Variants in PCDHGB2 observed in about 807,000 individuals in gnomAD.
PCDHGB2 encodes the protein protocadherin gamma-B2.
A neutral mutation model predicts 59.3 loss-of-function variants in PCDHGB2; 55 were observed. The ratio of observed to expected loss-of-function variants is 0.93; its 90% CI spans 0.75 to 1.16. The LOEUF (loss-of-function observed/expected upper bound fraction) is 1.16, where lower values mean the gene tolerates loss of function less well. Ranked by LOEUF, PCDHGB2 falls within the 50% of genes most tolerant of loss-of-function variation. PCDHGB2 has a pLI of 0.00. For missense variants in PCDHGB2, 1,228 were observed against 1,198.5 expected, an observed-to-expected ratio of 1.02 and a Z score of -0.36; for synonymous variants, 516 against 512.0, an observed-to-expected ratio of 1.01 and a Z score of -0.11.
chr5:141,421,964 C>T (rs772274014), intron 1 of PCDHGB2: 3 of 1,611,472 alleles, frequency 1.9e-6, no homozygotes, highest in Non-Finnish European at 1.7e-6. Flanking sequence ...TTTACACAGT[C>T]CGTATATCGC....
chr5:141,490,249 C>T lies in PCDHGB2; in HGVS notation c.2422-4558C>T, dbSNP rs2099697737. On this transcript the variant is annotated intron_variant, in intron 1 of 3. Coordinates refer to ENST00000522605, the MANE Select transcript of PCDHGB2 (RefSeq NM_018923.3). The surrounding 1 kb of genome is among the most constrained non-coding windows in gnomAD (Gnocchi z 5.4). ...TGCCATGGAGGGCCACTGTGTGATT[C>T]AAGTGGATGTGGGGGATGTCAATGA... The T allele has an allele frequency of 1.2e-6, 2 of 1,614,218 alleles. No individual in the cohort carries two copies. The highest frequency in any genetic ancestry group is 1.7e-6 in the Non-Finnish European group (2 of 1,180,044).
rs149649459 is a variant in PCDHGB2, at chr5:141,505,183, G to A, written c.2481-210G>A. ...TCTAAAACAAAAAGAAAAAAGCATC[G>A]GAGGCAGCAAAGAGCTGGTTTGAGG... On this transcript the variant is annotated intron_variant, in intron 2 of 3. Transcript: ENST00000522605. Among the ~76,000 whole-genome samples, 214 of 152,244 alleles carry A rather than the reference G, an allele frequency of 1.4e-3. 1 individual carries two copies. Among genetic ancestry groups the A allele is most frequent in the African/African-American group, 4.8e-3 (200 of 41,530 alleles).
intron 1 of PCDHGB2, chr5:141,384,825 C>G (rs570988671): frequency 6.2e-7 from 1 of 1,613,356 alleles, no homozygotes; most frequent in Non-Finnish European, 8.5e-7. Context: ...AGCAGAGCCT[C>G]GTGGTGGCCG....
chr5:141,366,867 A>G (rs1025500937), intron 1 of PCDHGB2: 18 of 1,412,872 alleles, frequency 1.3e-5, no homozygotes, highest in African/African-American at 2.9e-5. Context: ...TATTTGCTGT[A>G]TTGGAGATTA....
Position 141,360,679 on chromosome 5 carries a change from G to T in PCDHGB2, c.544G>T (p.Glu182Ter). 1 of 1,613,988 alleles carries T rather than the reference G, an allele frequency of 6.2e-7. No individual in the cohort carries two copies. The highest frequency in any genetic ancestry group is 8.5e-7 in the Non-Finnish European group (1 of 1,179,900). ...TGACAACGAGTACTTTGATCTCGCT[G>T]AGAAACAGACTCCAGATGGTCGTAA... The part of the protein sequence containing the change: ...LNDNEYFDLA[E>*]KQTPDGRKYP... Residue 182 changes from glutamate (E) to a stop codon, truncating the protein, a stop_gained, in exon 1 of 4, where the codon GAG (glutamate) becomes TAG (stop). Coordinates refer to ENST00000522605, the MANE Select transcript of PCDHGB2 (RefSeq NM_018923.3). LOFTEE classifies it high-confidence loss of function.
At chr5:141,420,237 C>A in intron 1 of PCDHGB2, 1 of 1,595,672 alleles carries the variant, frequency 6.3e-7, no homozygotes, top group Non-Finnish European at 8.6e-7. Context: ...AGCATTTTAA[C>A]TCCCAGCGTT....
intron 1 of PCDHGB2, among the ~76,000 whole-genome samples, chr5:141,473,965 A>C (rs925515548): frequency 1.1e-4 from 16 of 152,206 alleles, no homozygotes; most frequent in African/African-American, 3.9e-4. Flanking sequence ...TCTACTTAGA[A>C]GTCTGAGGCG....
At chr5:141,388,207 C>T (rs1374751231) in intron 1 of PCDHGB2, 1 of 1,578,332 alleles carries the variant, frequency 6.3e-7, no homozygotes, top group Admixed American at 1.7e-5. Flanking sequence ...GAATTTGAGG[C>T]TGTTGCTGAA....
intron 2 of PCDHGB2, among the ~76,000 whole-genome samples, chr5:141,503,780 T>G (rs779791247): frequency 7.2e-5 from 11 of 152,124 alleles, no homozygotes; most frequent in Non-Finnish European, 1.3e-4. Flanking sequence ...GTTCTTAGGC[T>G]GAGTTCATCT....
Position 141,511,313 on chromosome 5 carries a change from C to T in PCDHGB2, c.*140C>T. ...CCAAGGCCATGCTCCCCTTGGGAAA[C>T]AGAAACAAGTGCCCAGTCAGCACCT... On this transcript the variant is annotated 3_prime_UTR_variant, in exon 4 of 4. Transcript: ENST00000522605. 2 of 1,482,944 alleles carry T rather than the reference C, an allele frequency of 1.3e-6. No homozygotes were observed. The highest frequency in any genetic ancestry group is 2.3e-5 in the Admixed American group (1 of 43,596). 91.9% of individuals were successfully genotyped at this position (1,482,944 alleles called of 1,614,324 possible).
rs200109598 is a variant in PCDHGB2 at position 141,388,741 on chromosome 5, A to C, written c.2421+26185A>C. ...ACTTTCTCTTTCAGTGAAGCTAGCC[A>C]GATCACCCAATTTGACCTGAACTCT... is the stretch of plus-strand genomic sequence containing the variant. On this transcript the variant is annotated intron_variant, in intron 1 of 3. Transcript: ENST00000522605. The C allele has an allele frequency of 1.3e-4, 203 of 1,613,906 alleles. No individual in the cohort carries two copies. The highest frequency in any genetic ancestry group is 1.7e-4 in the Non-Finnish European group (198 of 1,179,898).
chr5:141,476,837 G>A lies in PCDHGB2; in HGVS notation c.2422-17970G>A, dbSNP rs1160244271. 4 of 1,613,534 alleles carry A rather than the reference G, an allele frequency of 2.5e-6. No individual in the cohort carries two copies. The highest frequency in any genetic ancestry group is 3.4e-6 in the Non-Finnish European group (4 of 1,180,054). On this transcript the variant is annotated intron_variant, in intron 1 of 3. Coordinates refer to ENST00000522605, the MANE Select transcript of PCDHGB2 (RefSeq NM_018923.3). The surrounding 1 kb of genome is among the most constrained non-coding windows in gnomAD (Gnocchi z 7.6). Reference sequence around the variant, plus strand: ...CAAGGTGCTGGACGCGAATGACAATGCGCCTGTCTTCAACCAGTCCTTGTA... The same window carrying A: ...CAAGGTGCTGGACGCGAATGACAATACGCCTGTCTTCAACCAGTCCTTGTA...
chr5:141,483,814 C>A (rs1262593892), intron 1 of PCDHGB2, among the ~76,000 whole-genome samples: 4 of 151,994 alleles, frequency 2.6e-5, no homozygotes, highest in African/African-American at 9.7e-5. Flanking sequence ...TTTTTGGCAG[C>A]CAGTGTAACC....
intron 1 of PCDHGB2, chr5:141,420,181 T>C (rs1590216182): frequency 6.2e-7 from 1 of 1,613,998 alleles, no homozygotes; most frequent in Non-Finnish European, 8.5e-7. Context: ...TTGATCATTG[T>C]CCAGCCACAC....
chr5:141,429,534 A>G (rs1036595279), intron 1 of PCDHGB2, among the ~76,000 whole-genome samples: 1 of 152,222 alleles, frequency 6.6e-6, no homozygotes. Context: ...GCTTAAAAAA[A>G]TAAGAACATG....
chr5:141,431,093 G>A lies in PCDHGB2; in HGVS notation c.2422-63714G>A. 6.2e-7 allele frequency: 1 copy of A among 1,614,250 alleles called. No individual in the cohort carries two copies. The highest frequency in any genetic ancestry group is 8.5e-7 in the Non-Finnish European group (1 of 1,180,032). On this transcript the variant is annotated intron_variant, in intron 1 of 3. Transcript: ENST00000522605. The surrounding 1 kb of genome is among the most constrained non-coding windows in gnomAD (Gnocchi z 4.8). Reference sequence around the variant, plus strand: ...ATTAAATCTAGACATTCTGATGGAGGATAAAGTGAAAATATATGGAGTAGA... The same window carrying A: ...ATTAAATCTAGACATTCTGATGGAGAATAAAGTGAAAATATATGGAGTAGA...
chr5:141,409,715 G>C (rs2095305446), intron 1 of PCDHGB2: 9 of 1,613,084 alleles, frequency 5.6e-6, no homozygotes, highest in Admixed American at 1.7e-5. Flanking sequence ...GTCGTCATAC[G>C]TGTCAGTGAG....
At chr5:141,415,122 C>T (rs552568826) in intron 1 of PCDHGB2, 34 of 1,613,668 alleles carry the variant, frequency 2.1e-5, no homozygotes, top group Admixed American at 6.7e-5. Flanking sequence ...TCGTAGTGGC[C>T]GTCCAGGACC....
chr5:141,385,298 G>A (rs1409031209), intron 1 of PCDHGB2: 2 of 1,612,982 alleles, frequency 1.2e-6, no homozygotes, highest in Non-Finnish European at 8.5e-7. Context: ...TTTCAGGAAT[G>A]TAAAGAAAAC....
Sources: allele counts gnomAD v4.1 joint callset (sites outside exome capture counted in the v4.1 genomes callset), GRCh38; gene constraint gnomAD v4.1.1; non-coding constraint Gnocchi (gnomAD v3.1); transcripts MANE v1.5; gene names NCBI Gene and HGNC (gene_info 2026-07-23, HGNC 2026-07-21).